The following SLC25A15 variants were observed in gnomAD, a reference collection of about 807,000 sequenced individuals.
The protein encoded by SLC25A15 is mitochondrial ornithine transporter 1.
SLC25A15 carries 24 observed loss-of-function variants against 32.3 expected under a neutral mutation model. That is an observed-to-expected ratio of 0.74 (90% CI 0.54 to 1.04). The LOEUF (loss-of-function observed/expected upper bound fraction) is 1.04. Among genes scored for constraint, SLC25A15 ranks in the 50% least tolerant of loss-of-function variants. SLC25A15 has a pLI of 0.00. For synonymous variants in SLC25A15, 132 were observed against 142.1 expected (o/e 0.93, Z 0.51); for missense variants, 317 against 374.5 (o/e 0.85, Z 1.27).
At chr13:40,804,196 C>G (rs537284813) in intron 3 of SLC25A15, among the ~76,000 whole-genome samples, 7 of 152,070 alleles carry the variant, frequency 4.6e-5, no homozygotes, top group African/African-American at 1.7e-4. Context: ...AGAGAGTGAG[C>G]GAGCTCTCTG....
intron 3 of SLC25A15, among the ~76,000 whole-genome samples, chr13:40,800,503 A>G (rs1881837085): frequency 6.6e-6 from 1 of 152,224 alleles, no homozygotes; most frequent in Non-Finnish European, 1.5e-5. Flanking sequence ...GAGACACTCT[A>G]TTAGAGAAGA....
At chr13:40,792,930 G>GC in intron 1 of SLC25A15, among the ~76,000 whole-genome samples, 1 of 152,334 alleles carries the variant, frequency 6.6e-6, no homozygotes, top group African/African-American at 2.4e-5. Context: ...AAGGTCAGTT[G>GC]AAGTGCTGCT....
At chr13:40,805,319 T>A in intron 4 of SLC25A15, 64 bp downstream of exon 4, 1 of 1,590,456 alleles carries the variant, frequency 6.3e-7, no homozygotes, top group Admixed American at 1.7e-5. Flanking sequence ...TGATTTTTCA[T>A]TTTACATTGT....
chr13:40,798,814 T>C (rs2138045287), intron 2 of SLC25A15: 1 of 983,080 alleles, frequency 1.0e-6, no homozygotes, highest in Non-Finnish European at 1.2e-6. Flanking sequence ...TTTGCCGCTG[T>C]TGAACACATG....
Position 40,799,205 on chromosome 13 carries a change from T to A in SLC25A15, c.204T>A (p.Ser68Arg), listed in dbSNP as rs774319330. Residue 68 changes from serine (S) to arginine (R), a missense_variant, in exon 3 of 7, where the codon AGT (serine) becomes AGA (arginine). Transcript: ENST00000338625. ...TCCGTGGCTTCTACAAGGGTACCAGTCCAGCACTAATCGCCAACATCGCTG... is the reference window on the plus strand; with the variant it reads ...TCCGTGGCTTCTACAAGGGTACCAGACCAGCACTAATCGCCAACATCGCTG... ...VGFRGFYKGT[S>R]PALIANIAEN... 6.2e-6 allele frequency: 10 copies of A among 1,614,212 alleles called. No homozygotes were observed. Among genetic ancestry groups the A allele is most frequent in the Non-Finnish European group, 8.5e-6 (10 of 1,180,040 alleles).
intron 2 of SLC25A15, among the ~76,000 whole-genome samples, chr13:40,798,498 G>A (rs567072715): frequency 1.4e-4 from 22 of 152,078 alleles, no homozygotes; most frequent in Admixed American, 6.6e-4. Flanking sequence ...TTTCCTTTCC[G>A]TGGTGCCGGG....
intron 3 of SLC25A15, among the ~76,000 whole-genome samples, chr13:40,804,278 C>T (rs1202909491): frequency 6.6e-6 from 1 of 152,170 alleles, no homozygotes; most frequent in South Asian, 2.1e-4. Flanking sequence ...CCTGATTACT[C>T]CCAAAGGCCC....
chr13:40,806,973 A>G (rs1273241435), intron 4 of SLC25A15, among the ~76,000 whole-genome samples: 2 of 152,222 alleles, frequency 1.3e-5, no homozygotes, highest in African/African-American at 4.8e-5. Context: ...ATTTCTCTGC[A>G]CTAAAAACAG....
intron 3 of SLC25A15, among the ~76,000 whole-genome samples, chr13:40,800,243 G>A (rs1170558702): frequency 6.6e-6 from 1 of 152,142 alleles, no homozygotes; most frequent in Admixed American, 6.5e-5. Context: ...TTATAGACAG[G>A]AATTCCACCA....
Position 40,810,863 on chromosome 13 carries a change from G to C in SLC25A15, c.*1196G>C. ...CGCTTACCTTTTGTCTCTGGGTCCT[G>C]GCCTGGGGCCATCAATCCACTTTGG... On this transcript the variant is annotated 3_prime_UTR_variant, in exon 7 of 7. Transcript: ENST00000338625. The C allele has an allele frequency of 1.9e-6, 1 of 534,614 alleles. No individual in the cohort carries two copies. The highest frequency in any genetic ancestry group is 3.8e-6 in the Non-Finnish European group (1 of 260,090). The allele number at this position is 534,614 out of a possible 1,614,324, so 33.1% of individuals were successfully genotyped here.
chr13:40,802,386 C>T (rs1881927052), intron 3 of SLC25A15: 1 of 152,214 alleles, frequency 6.6e-6, no homozygotes, highest in African/African-American at 2.4e-5. Flanking sequence ...TTACTGCAAA[C>T]AGTGTCTTCC....
rs1881412083 is a variant in SLC25A15, at chr13:40,789,669, C to G, written c.-70+6C>G. On this transcript the variant is annotated splice_donor_region_variant and intron_variant, in intron 1 of 6. Coordinates refer to ENST00000338625, the MANE Select transcript of SLC25A15 (RefSeq NM_014252.4). ...GCGGCCACGCCGGCGCGGCGGTGAG[C>G]GCAGCCCGGTCTGGCGCCTGCAGCT... The G allele has an allele frequency of 6.6e-6, 1 of 151,242 alleles. No homozygotes were observed. Among genetic ancestry groups the G allele is most frequent in the Non-Finnish European group, 1.5e-5 (1 of 67,726 alleles). The allele number at this position is 151,242 out of a possible 1,614,324, so 9.4% of individuals were successfully genotyped here. A position where few individuals can be genotyped will look rare whatever the true frequency, so the allele number is the denominator to read the frequency against.
chr13:40,799,606 T>C (rs1434532738), intron 3 of SLC25A15, among the ~76,000 whole-genome samples: 1 of 152,276 alleles, frequency 6.6e-6, no homozygotes, highest in African/African-American at 2.4e-5. Context: ...TATGAAGTTA[T>C]ACATTGTCAT....
chr13:40,793,684 A>G (rs56272500), intron 2 of SLC25A15, among the ~76,000 whole-genome samples: 18 of 152,374 alleles, frequency 1.2e-4, no homozygotes, highest in South Asian at 8.3e-4. Context: ...ATGAGATCAA[A>G]TGAAAGTGGT....
chr13:40,804,564 C>T (rs1167882552), intron 3 of SLC25A15, among the ~76,000 whole-genome samples: 4 of 144,176 alleles, frequency 2.8e-5, no homozygotes, highest in African/African-American at 7.8e-5. Flanking sequence ...TTTTTTGAGA[C>T]GGAGTCTCAC....
chr13:40,798,968 T>G (rs1593290626), intron 2 of SLC25A15, 89 bp from the exon 3 acceptor site: 1 of 1,610,862 alleles, frequency 6.2e-7, no homozygotes. Flanking sequence ...GAAGCAGGGG[T>G]AAGTTCTGGG....
At chr13:40,791,317 A>G (rs952999851) in intron 1 of SLC25A15, among the ~76,000 whole-genome samples, 1 of 144,560 alleles carries the variant, frequency 6.9e-6, no homozygotes, top group African/African-American at 2.6e-5. Flanking sequence ...TTATTTATTT[A>G]TTTATTTATT....
intron 1 of SLC25A15, among the ~76,000 whole-genome samples, chr13:40,791,056 CTCTG>C (rs1291301938): frequency 1.3e-5 from 2 of 151,866 alleles, no homozygotes; most frequent in East Asian, 3.9e-4. Flanking sequence ...TTGTACTTGC[CTCTG>C]TCTGTCTGCT....
chr13:40,791,331 TTA>T (rs1171622190), intron 1 of SLC25A15, among the ~76,000 whole-genome samples: 2 of 148,218 alleles, frequency 1.3e-5, no homozygotes, highest in African/African-American at 4.9e-5. Context: ...ATTTATTTAT[TTA>T]TTTTATTTTT....
Sources: gnomAD v4.1 joint callset for allele counts (sites outside exome capture counted in the v4.1 genomes callset) on GRCh38, gnomAD v4.1.1 for gene constraint, MANE v1.5 for transcripts, NCBI Gene and HGNC (gene_info 2026-07-23, HGNC 2026-07-21) for gene names.